The following DCC variants were observed in gnomAD, a reference collection of about 807,000 sequenced individuals.
The protein encoded by DCC is DCC netrin 1 receptor, also known as netrin receptor DCC.
DCC carries 58 observed loss-of-function variants against 172.5 expected under a neutral mutation model. That is an observed-to-expected ratio of 0.34 (90% CI 0.27 to 0.42). The LOEUF (loss-of-function observed/expected upper bound fraction) is 0.42. Ranked by LOEUF, DCC falls within the 10% of genes least tolerant of loss-of-function variation. The pLI, the probability that DCC is intolerant of heterozygous loss-of-function variation, is 1.00. For synonymous variants in DCC, 709 were observed against 644.5 expected, an observed-to-expected ratio of 1.10 and a Z score of -1.52; for missense variants, 1,740 against 1,791.0, an observed-to-expected ratio of 0.97 and a Z score of 0.51.
chr18:52,710,362 T>C lies in DCC; in HGVS notation c.92-41692T>C, dbSNP rs566822113. On this transcript the variant is annotated intron_variant, in intron 1 of 28. Transcript: ENST00000442544. ...CTCCAGCTTGGGTGACAGAGTGAGA[T>C]CTTGTCTCTAAAAACAAATTAAAAT... Among the ~76,000 whole-genome samples the C allele has an allele frequency of 5.3e-5, 8 of 152,340 alleles. No homozygotes were observed. The South Asian group carries it at 1.4e-3, about 28-fold the overall frequency.
At chr18:52,879,412 C>CTTTTTTTTTGTTTTTTTTTTTT (rs2039448716) in intron 2 of DCC, among the ~76,000 whole-genome samples, 1 of 62,356 alleles carries the variant, frequency 1.6e-5, no homozygotes, top group Non-Finnish European at 2.9e-5. Context: ...TGTTGTTTGG[C>CTTTTTTTTTGTTTTTTTTTTTT]TTTTTTTTTT....
chr18:53,224,083 A>G (rs533840994), intron 12 of DCC, among the ~76,000 whole-genome samples: 6 of 152,312 alleles, frequency 3.9e-5, no homozygotes, highest in South Asian at 2.1e-4. Flanking sequence ...CTTATATTCT[A>G]ATACATGGAA....
intron 19 of DCC, among the ~76,000 whole-genome samples, chr18:53,406,721 G>A (rs200765187): frequency 0.37 from 47,148 of 127,560 alleles, 10,422 homozygotes; most frequent in Non-Finnish European, 0.52. Flanking sequence ...AAAAAAGAAA[G>A]AAAGAAAAAA....
intron 8 of DCC, among the ~76,000 whole-genome samples, chr18:53,167,809 AAG>A (rs772532790): frequency 1.3e-5 from 2 of 152,208 alleles, no homozygotes; most frequent in Admixed American, 6.6e-5. Context: ...GAAAACACAA[AAG>A]AGAGCATTTA....
chr18:52,995,917 C>T (rs6508183), intron 5 of DCC, among the ~76,000 whole-genome samples: 109,211 of 150,756 alleles, frequency 0.72, 39,695 homozygotes, highest in East Asian at 0.74. Context: ...TTTTTTTTCC[C>T]AGTGAAGTTG....
intron 15 of DCC, among the ~76,000 whole-genome samples, chr18:53,346,075 C>T (rs552638093): frequency 2.0e-5 from 3 of 152,186 alleles, no homozygotes; most frequent in Non-Finnish European, 4.4e-5. Flanking sequence ...CTCACTGCAG[C>T]CTTGACCTCC....
At chr18:52,907,565 C>T (rs2039908309) in intron 3 of DCC, among the ~76,000 whole-genome samples, 1 of 152,038 alleles carries the variant, frequency 6.6e-6, no homozygotes, top group Admixed American at 6.6e-5. Context: ...AGAATTGTGG[C>T]ACCACACCCG....
At chr18:52,467,138 T>C (rs1038613918) in intron 1 of DCC, among the ~76,000 whole-genome samples, 9 of 152,164 alleles carry the variant, frequency 5.9e-5, no homozygotes, top group Admixed American at 6.6e-5. Context: ...TGGTGGTTTG[T>C]GGCACCCATC....
intron 7 of DCC, among the ~76,000 whole-genome samples, chr18:53,082,233 T>C (rs1242406336): frequency 6.6e-6 from 1 of 152,102 alleles, no homozygotes; most frequent in Non-Finnish European, 1.5e-5. Context: ...TTAAATATAA[T>C]AAATAAATCC....
chr18:52,735,739 T>C (rs567242462), intron 1 of DCC, among the ~76,000 whole-genome samples: 1 of 152,106 alleles, frequency 6.6e-6, no homozygotes, highest in Non-Finnish European at 1.5e-5. Context: ...GCTGATTAGA[T>C]GGTGCCCAGC....
chr18:53,232,784 T>C (rs2056142614), intron 12 of DCC, among the ~76,000 whole-genome samples: 1 of 152,134 alleles, frequency 6.6e-6, no homozygotes, highest in African/African-American at 2.4e-5. Context: ...AATCTTGTTT[T>C]CTTCTCCTCG....
intron 7 of DCC, among the ~76,000 whole-genome samples, chr18:53,086,832 A>G (rs573822337): frequency 4.4e-4 from 59 of 132,652 alleles, no homozygotes; most frequent in African/African-American, 1.6e-3. Context: ...GTTCCCACCT[A>G]TGAGTGAGAA....
intron 1 of DCC, among the ~76,000 whole-genome samples, chr18:52,751,261 C>G (rs1475582036): frequency 6.6e-6 from 1 of 152,202 alleles, no homozygotes; most frequent in Non-Finnish European, 1.5e-5. Flanking sequence ...TGTGAGTATT[C>G]TGTCAAATGC....
intron 16 of DCC, among the ~76,000 whole-genome samples, chr18:53,388,774 C>T (rs1041591620): frequency 3.3e-5 from 5 of 152,042 alleles, no homozygotes; most frequent in Non-Finnish European, 5.9e-5. Flanking sequence ...TGTAAAATTG[C>T]ATCATTATTT....
In DCC at chr18:53,116,431, T is replaced by C. The variant is rs74909033; in HGVS notation, c.1262-40925T>C. On this transcript the variant is annotated intron_variant, in intron 7 of 28. Transcript: ENST00000442544. ...CCTATGGAGAGGATATTTCCTGTCA[T>C]AGCTGAATCAGCCTTATGTTCCGTG... Among the ~76,000 whole-genome samples, 861 of 151,872 alleles carry C rather than the reference T, an allele frequency of 5.7e-3. 2 individuals are homozygous for C. The highest frequency in any genetic ancestry group is 8.4e-3 in the Non-Finnish European group (566 of 67,784).
chr18:53,269,343 C>T (rs1467122102), intron 12 of DCC, among the ~76,000 whole-genome samples: 1 of 152,114 alleles, frequency 6.6e-6, no homozygotes, highest in Non-Finnish European at 1.5e-5. Context: ...AGGTTTCATC[C>T]TGGTGTTCTT....
intron 1 of DCC, among the ~76,000 whole-genome samples, chr18:52,372,493 C>T (rs1985164776): frequency 6.6e-6 from 1 of 152,140 alleles, no homozygotes; most frequent in South Asian, 2.1e-4. Flanking sequence ...GCAACTATTA[C>T]TTGTGGAAAT....
At chr18:53,255,185 T>C (rs1252957630) in intron 12 of DCC, among the ~76,000 whole-genome samples, 3 of 151,996 alleles carry the variant, frequency 2.0e-5, no homozygotes, top group Admixed American at 6.6e-5. Flanking sequence ...TGTCCACTTG[T>C]CTTGGATATG....
intron 8 of DCC, among the ~76,000 whole-genome samples, chr18:53,177,542 C>G (rs1037609407): frequency 2.0e-5 from 3 of 152,118 alleles, no homozygotes; most frequent in Non-Finnish European, 4.4e-5. Context: ...TACTGATTGT[C>G]AGTTCTTTTC....
Sources: gnomAD v4.1 joint callset for allele counts (sites outside exome capture counted in the v4.1 genomes callset) on GRCh38, gnomAD v4.1.1 for gene constraint, MANE v1.5 for transcripts, NCBI Gene and HGNC (gene_info 2026-07-23, HGNC 2026-07-21) for gene names.